GABRG3: variants seen among roughly 807,000 people sequenced by gnomAD.
GABRG3 encodes the protein gamma-aminobutyric acid type A receptor subunit gamma3.
In GABRG3, 25 loss-of-function variants were observed where a neutral mutation model predicts 48.8. The ratio of observed to expected loss-of-function variants is 0.51; its 90% confidence interval spans 0.37 to 0.72. The LOEUF (loss-of-function observed/expected upper bound fraction) is 0.72. GABRG3 is among the 30% of genes least tolerant of loss of function. The pLI, the probability that GABRG3 is intolerant of heterozygous loss-of-function variation, is 0.00. For synonymous variants in GABRG3, 227 were observed against 217.6 expected, an observed-to-expected ratio of 1.04 and a Z score of -0.38; for missense variants, 394 against 577.9, an observed-to-expected ratio of 0.68 and a Z score of 3.26.
At chr15:26,999,127 A>T (rs1349593182) in intron 2 of GABRG3, among the ~76,000 whole-genome samples, 1 of 150,704 alleles carries the variant, frequency 6.6e-6, no homozygotes, top group Non-Finnish European at 1.5e-5. Context: ...GGTAGAAAAT[A>T]TTTGAAAAAA....
At chr15:27,400,820 C>T (rs949877894) in intron 5 of GABRG3, among the ~76,000 whole-genome samples, 2 of 152,140 alleles carry the variant, frequency 1.3e-5, no homozygotes, top group Admixed American at 6.5e-5. Context: ...GTTGATTTAA[C>T]GTGCATTAGT....
At chr15:27,339,974 G>C (rs1894111643) in intron 5 of GABRG3, among the ~76,000 whole-genome samples, 1 of 152,102 alleles carries the variant, frequency 6.6e-6, no homozygotes, top group African/African-American at 2.4e-5. Context: ...GGGGCAGGAA[G>C]GCTGGGGAGG....
chr15:27,324,035 A>G (rs1026001936), intron 3 of GABRG3, among the ~76,000 whole-genome samples: 5 of 152,180 alleles, frequency 3.3e-5, no homozygotes, highest in Admixed American at 6.5e-5. Flanking sequence ...CAGTTCTATC[A>G]CATGCCTGCA....
intron 3 of GABRG3, among the ~76,000 whole-genome samples, chr15:27,305,416 C>T (rs988902888): frequency 6.7e-6 from 1 of 149,866 alleles, no homozygotes; most frequent in African/African-American, 2.4e-5. Context: ...GAAGACCCAA[C>T]GTGGTAAACA....
At chr15:26,980,933 G>T (rs956999052) in intron 2 of GABRG3, among the ~76,000 whole-genome samples, 2 of 152,110 alleles carry the variant, frequency 1.3e-5, no homozygotes, top group African/African-American at 4.8e-5. Flanking sequence ...AGGGTGGAGG[G>T]TGGGAGGAGG....
intron 6 of GABRG3, among the ~76,000 whole-genome samples, chr15:27,500,194 G>A (rs1266162496): frequency 2.0e-5 from 3 of 152,150 alleles, no homozygotes; most frequent in African/African-American, 7.2e-5. Flanking sequence ...GAAGGGCAGG[G>A]AAGACAGGGG....
At chr15:27,375,617 G>A (rs974078576) in intron 5 of GABRG3, among the ~76,000 whole-genome samples, 5 of 152,160 alleles carry the variant, frequency 3.3e-5, no homozygotes, top group African/African-American at 1.2e-4. Context: ...AAGGTGAAAG[G>A]CACATCTTGC....
intron 3 of GABRG3, among the ~76,000 whole-genome samples, chr15:27,310,625 C>T (rs2140506593): frequency 6.6e-6 from 1 of 152,108 alleles, no homozygotes; most frequent in East Asian, 1.9e-4. Context: ...AACTTACAAC[C>T]TGATCCTAAA....
At chr15:27,228,905 G>C (rs1889708803) in intron 3 of GABRG3, among the ~76,000 whole-genome samples, 1 of 152,098 alleles carries the variant, frequency 6.6e-6, no homozygotes, top group Non-Finnish European at 1.5e-5. Flanking sequence ...ACTTTTTAAT[G>C]GGGTTTTTTG....
intron 5 of GABRG3, among the ~76,000 whole-genome samples, chr15:27,403,915 A>AAC (rs1491238044): frequency 2.5e-5 from 2 of 81,240 alleles, no homozygotes; most frequent in African/African-American, 1.6e-4. Context: ...AAAAAAAAAC[A>AAC]AAAAAAAAAA....
intron 3 of GABRG3, among the ~76,000 whole-genome samples, chr15:27,117,278 T>C (rs1897657480): frequency 6.6e-6 from 1 of 152,250 alleles, no homozygotes; most frequent in Admixed American, 6.5e-5. Context: ...TATGTAAATG[T>C]CTTTCCCACC....
intron 6 of GABRG3, among the ~76,000 whole-genome samples, chr15:27,502,343 C>T (rs866732682): frequency 6.6e-6 from 1 of 152,138 alleles, no homozygotes; most frequent in Non-Finnish European, 1.5e-5. Flanking sequence ...AGAAAAAATA[C>T]TGAGATCCCA....
chr15:27,033,604 C>G (rs368119974), intron 3 of GABRG3, among the ~76,000 whole-genome samples: 1 of 151,922 alleles, frequency 6.6e-6, no homozygotes, highest in African/African-American at 2.4e-5. Flanking sequence ...ATGCTTTGAA[C>G]GACACTAAAG....
At chr15:27,350,587 T>C (rs1894530567) in intron 5 of GABRG3, among the ~76,000 whole-genome samples, 1 of 152,096 alleles carries the variant, frequency 6.6e-6, no homozygotes. Flanking sequence ...CCCCCTCCTC[T>C]CTACGTCCAG....
chr15:27,161,646 A>T (rs543472420), intron 3 of GABRG3, among the ~76,000 whole-genome samples: 1 of 152,206 alleles, frequency 6.6e-6, no homozygotes, highest in South Asian at 2.1e-4. Context: ...AAATTTGAAT[A>T]CTTTAGCATT....
intron 3 of GABRG3, among the ~76,000 whole-genome samples, chr15:27,246,887 C>T (rs888002794): frequency 6.6e-6 from 1 of 152,166 alleles, no homozygotes; most frequent in Non-Finnish European, 1.5e-5. Context: ...TTGTGATTTG[C>T]AAATGTTTCT....
At chr15:26,998,807 G>T (rs1895387870) in intron 2 of GABRG3, among the ~76,000 whole-genome samples, 1 of 152,126 alleles carries the variant, frequency 6.6e-6, no homozygotes, top group Non-Finnish European at 1.5e-5. Context: ...AATCTAGGGT[G>T]GAGGAAGAGG....
At chr15:27,496,787 G>C (rs770776444) in intron 6 of GABRG3, among the ~76,000 whole-genome samples, 2 of 152,180 alleles carry the variant, frequency 1.3e-5, no homozygotes, top group Non-Finnish European at 2.9e-5. Flanking sequence ...CAGTAGAGGA[G>C]CAGCAGCCAC....
chr15:27,322,964 C>A (rs1893482382), intron 3 of GABRG3, among the ~76,000 whole-genome samples: 1 of 152,168 alleles, frequency 6.6e-6, no homozygotes, highest in African/African-American at 2.4e-5. Flanking sequence ...TGCACCTGTG[C>A]CTCCTGGGAG....
Sources: allele counts gnomAD v4.1 joint callset (sites outside exome capture counted in the v4.1 genomes callset), GRCh38; gene constraint gnomAD v4.1.1; transcripts MANE v1.5; gene names NCBI Gene and HGNC (gene_info 2026-07-23, HGNC 2026-07-21).